The following POLB variants were observed in gnomAD, a reference collection of about 807,000 sequenced individuals.
The protein encoded by POLB is DNA polymerase beta.
Under a neutral mutation model 52.7 loss-of-function variants are expected in POLB, and 37 were observed. The ratio of observed to expected loss-of-function variants is 0.70; its 90% CI spans 0.54 to 0.92. The LOEUF (loss-of-function observed/expected upper bound fraction) is 0.92. Ranked by LOEUF, POLB falls within the 40% of genes least tolerant of loss-of-function variation. The pLI, the probability that POLB is intolerant of heterozygous loss-of-function variation, is 0.00. For missense variants in POLB, 313 were observed against 400.8 expected, an observed-to-expected ratio of 0.78 and a Z score of 1.87; for synonymous variants, 138 against 131.3, an observed-to-expected ratio of 1.05 and a Z score of -0.35.
intron 2 of POLB, chr8:42,340,100 C>T (rs1728514221): frequency 6.6e-6 from 1 of 152,236 alleles, no homozygotes; most frequent in African/African-American, 2.4e-5. Flanking sequence ...TACGTCTCAT[C>T]TTATTGGACT....
At position 42,344,836 on chromosome 8, in the gene POLB, T is replaced by C. The variant is rs972047238; in HGVS notation, c.120-117T>C. The stretch of plus-strand genomic sequence containing the variant: ...CAAAAAAAACAAAAAAAAAGAAAAT[T>C]AGTTATCTTGGTGAAAGCATAAGCA... On this transcript the variant is annotated intron_variant, in intron 2 of 13. Coordinates refer to ENST00000265421, the MANE Select transcript of POLB (RefSeq NM_002690.3). 1.8e-5 allele frequency: 12 copies of C among 676,460 alleles called. No individual in the cohort carries two copies. The East Asian group carries it at 1.9e-4, about 10-fold the overall frequency. The allele number at this position is 676,460 out of a possible 1,614,324, so 41.9% of individuals were successfully genotyped here.
chr8:42,348,569 T>C (rs1184174895), intron 3 of POLB, among the ~76,000 whole-genome samples: 4 of 152,158 alleles, frequency 2.6e-5, no homozygotes, highest in Admixed American at 2.0e-4. Context: ...TGAGAAACTC[T>C]AGGGTGGGAC....
At chr8:42,353,638 A>G (rs1391795218) in intron 6 of POLB, among the ~76,000 whole-genome samples, 1 of 151,678 alleles carries the variant, frequency 6.6e-6, no homozygotes, top group Non-Finnish European at 1.5e-5. Context: ...GTGTATGTAT[A>G]CATATGGATT....
rs756189700 is a variant in POLB at position 42,339,093 on chromosome 8, G to C, written c.119+24G>C. ...AGGTGGGACAGTGCAGCATTCTCGG[G>C]TAGCATACGTTCTGGGATACCCTGT... On this transcript the variant is annotated intron_variant, in intron 2 of 13. Coordinates refer to ENST00000265421, the MANE Select transcript of POLB (RefSeq NM_002690.3). 1.9e-6 allele frequency: 3 copies of C among 1,576,578 alleles called. No homozygotes were observed. The Admixed American group carries it at 5.0e-5, about 26-fold the overall frequency.
chr8:42,361,113 A>G, intron 9 of POLB, 182 bp from the exon 10 acceptor site: 1 of 695,444 alleles, frequency 1.4e-6, no homozygotes, highest in Non-Finnish European at 2.6e-6. Flanking sequence ...TGTCTACATC[A>G]ATACACCTGA....
chr8:42,357,836 C>T (rs1487513019), intron 9 of POLB: 2 of 153,674 alleles, frequency 1.3e-5, no homozygotes, highest in East Asian at 1.9e-4. Flanking sequence ...AAGTGATTCT[C>T]CTGCCTCAGC....
Position 42,350,093 on chromosome 8 carries a change from A to G in POLB, c.320+28A>G, listed in dbSNP as rs369177937. ...AAGAACTATTTTTTAAGCAGACACAATCGTCAGTTAGTTTATTTTTCCTGT... is the reference window on the plus strand; with the variant it reads ...AAGAACTATTTTTTAAGCAGACACAGTCGTCAGTTAGTTTATTTTTCCTGT... On this transcript the variant is annotated intron_variant, in intron 5 of 13. Transcript: ENST00000265421. 61 of 1,445,880 alleles carry G rather than the reference A, an allele frequency of 4.2e-5. No homozygotes were observed. In the African/African-American group the frequency reaches 7.4e-4, roughly 18 times the overall value. The allele number at this position is 1,445,880 out of a possible 1,614,324, so 89.6% of individuals were successfully genotyped here. A position where few individuals can be genotyped will look rare whatever the true frequency, so the allele number is the denominator to read the frequency against.
At chr8:42,355,628 CT>C in intron 7 of POLB, 61 bp downstream of exon 7, 1 of 952,062 alleles carries the variant, frequency 1.1e-6, no homozygotes, top group Non-Finnish European at 1.7e-6. Flanking sequence ...TATAGACATT[CT>C]TTTATACACC....
At position 42,349,026 on chromosome 8, in the gene POLB, G is replaced by GA. The variant is rs749178387; in HGVS notation, c.199dup (p.Thr67AsnfsTer5). The stretch of plus-strand genomic sequence containing the variant: ...TAATTTTCCATGTAGCCTGGAGTAG[G>GA]AACAAAAATTGCTGAAAAGATTGAT... On this transcript the variant is annotated frameshift_variant, in exon 4 of 14. Transcript: ENST00000265421. LOFTEE classifies it high-confidence loss of function. 6.3e-7 allele frequency: 1 copy of GA among 1,594,572 alleles called. No individual in the cohort carries two copies. Among genetic ancestry groups the GA allele is most frequent in the Non-Finnish European group, 8.6e-7 (1 of 1,163,742 alleles).
At chr8:42,363,629 C>G (rs1344022488) in intron 11 of POLB, among the ~76,000 whole-genome samples, 1 of 151,070 alleles carries the variant, frequency 6.6e-6, no homozygotes, top group African/African-American at 2.4e-5. Flanking sequence ...AAGTTTTTCC[C>G]TAAAATAGCA....
At chr8:42,344,686 G>A (rs113299303) in intron 2 of POLB, among the ~76,000 whole-genome samples, 25 of 151,542 alleles carry the variant, frequency 1.6e-4, no homozygotes, top group African/African-American at 5.3e-4. Flanking sequence ...ACAAGAAGGC[G>A]CGCCTGTAGT....
chr8:42,359,457 T>C (rs959641220), intron 9 of POLB, among the ~76,000 whole-genome samples: 9 of 150,852 alleles, frequency 6.0e-5, no homozygotes, highest in Non-Finnish European at 1.3e-4. Context: ...CGGGCTGAAG[T>C]GATCCTCCCA....
intron 3 of POLB, among the ~76,000 whole-genome samples, chr8:42,346,015 G>C (rs1822587051): frequency 6.6e-6 from 1 of 152,054 alleles, no homozygotes; most frequent in South Asian, 2.1e-4. Flanking sequence ...TCCGCCTCCA[G>C]GGTTCAGGTG....
chr8:42,349,054 GT>G lies in POLB; in HGVS notation c.230del (p.Leu77Ter). The G allele has an allele frequency of 6.2e-7, 1 of 1,605,840 alleles. No individual in the cohort carries two copies. The highest frequency in any genetic ancestry group is 1.7e-5 in the Admixed American group (1 of 59,508). ...GTKIAEKIDE[F>X]LATGKLRKLE... Reference sequence around the variant, plus strand: ...CAAAAATTGCTGAAAAGATTGATGAGTTTTTAGCAACTGGAAAATTACGTAA... The same window carrying G: ...CAAAAATTGCTGAAAAGATTGATGAGTTTTAGCAACTGGAAAATTACGTAA... On this transcript the variant is annotated frameshift_variant, in exon 4 of 14. Transcript: ENST00000265421. LOFTEE classifies it high-confidence loss of function.
chr8:42,342,181 T>C, intron 2 of POLB: 1 of 1,548,092 alleles, frequency 6.5e-7, no homozygotes, highest in South Asian at 1.1e-5. Context: ...CAGTGGTAGT[T>C]CTGGCAAGGC....
Position 42,343,268 on chromosome 8 carries a change from G to A in POLB, c.120-1685G>A, listed in dbSNP as rs1479470391. ...ACCCGGGAGGCGGAGCTTGCAGTGA[G>A]CCGAGATTGCGCCACTGCACTCCAG... On this transcript the variant is annotated intron_variant, in intron 2 of 13. Transcript: ENST00000265421. Among the ~76,000 whole-genome samples, 17 of 139,172 alleles carry A rather than the reference G, an allele frequency of 1.2e-4. No homozygotes were observed. In the Admixed American group the frequency reaches 1.3e-3, roughly 10 times the overall value. The allele number at this position is 139,172 out of a possible 152,430, so 91.3% of individuals were successfully genotyped here.
chr8:42,357,292 A>C, intron 8 of POLB, 28 bp from the exon 9 acceptor site: 1 of 1,437,854 alleles, frequency 7.0e-7, no homozygotes, highest in East Asian at 2.3e-5. Context: ...CCATTTTGGG[A>C]ATACTGACTT....
At chr8:42,342,445 A>G in intron 2 of POLB, 4 of 1,329,220 alleles carry the variant, frequency 3.0e-6, no homozygotes, top group Non-Finnish European at 4.3e-6. Flanking sequence ...GGCATAAGCA[A>G]TCTGACAATT....
chr8:42,350,799 G>A (rs571778585), intron 5 of POLB, among the ~76,000 whole-genome samples: 1 of 152,052 alleles, frequency 6.6e-6, no homozygotes, highest in East Asian at 1.9e-4. Context: ...CTTAAACCTA[G>A]TATGTTGAAA....
Sources: gnomAD v4.1 joint callset for allele counts (sites outside exome capture counted in the v4.1 genomes callset) on GRCh38, gnomAD v4.1.1 for gene constraint, MANE v1.5 for transcripts, NCBI Gene and HGNC (gene_info 2026-07-23, HGNC 2026-07-21) for gene names.